The following DPPA3 variants were observed in gnomAD, a reference collection of about 807,000 sequenced individuals.
DPPA3 encodes the protein developmental pluripotency-associated protein 3.
DPPA3 carries 9 observed loss-of-function variants against 15.6 expected under a neutral mutation model. The observed-to-expected ratio is 0.58, with a 90% CI of 0.35 to 1.01. The LOEUF (loss-of-function observed/expected upper bound fraction) is 1.01, where lower values mean the gene tolerates loss of function less well. Among genes scored for constraint, DPPA3 ranks in the 50% least tolerant of loss-of-function variants. The pLI, the probability that DPPA3 is intolerant of heterozygous loss-of-function variation, is 0.02. For synonymous variants in DPPA3, 61 were observed against 70.9 expected (o/e 0.86, Z 0.70); for missense variants, 148 against 194.6 (o/e 0.76, Z 1.42).
chr12:7,716,059 C>T, intron 2 of DPPA3, 139 bp from the exon 3 acceptor site: 1 of 729,148 alleles, frequency 1.4e-6, no homozygotes. Context: ...GCCATGATTG[C>T]TCCACTGCAA....
intron 1 of DPPA3, among the ~76,000 whole-genome samples, chr12:7,713,202 C>T (rs1244562252): frequency 6.6e-6 from 1 of 152,226 alleles, no homozygotes. Flanking sequence ...AACCCTGGAG[C>T]CAACACCTTC....
At chr12:7,716,758 T>C (rs1249979665) in intron 3 of DPPA3, among the ~76,000 whole-genome samples, 1 of 152,218 alleles carries the variant, frequency 6.6e-6, no homozygotes, top group Non-Finnish European at 1.5e-5. Context: ...TTGTTACCAT[T>C]ACAAAATGAC....
Position 7,715,416 on chromosome 12 carries a change from G to A in DPPA3, c.316G>A (p.Gly106Arg), listed in dbSNP as rs772450929. The A allele has an allele frequency of 3.7e-6, 6 of 1,613,924 alleles. No individual in the cohort carries two copies. The Admixed American group carries it at 6.7e-5, about 18-fold the overall frequency. The change falls in exon 2 of 4, where the codon GGA becomes AGA. Residue 106 changes from glycine (G) to arginine (R), a missense_variant. By Grantham distance (125) the Gly-to-Arg change is moderately radical. Coordinates refer to ENST00000345088, the MANE Select transcript of DPPA3 (RefSeq NM_199286.4). ...AAGATTGAGATACATGTTACTCGGC[G>A]GAGTTCGTACGGTATGTTGATGTGA... is the stretch of plus-strand genomic sequence containing the variant. ...MARLRYMLLG[G>R]VRTHERRPTN...
At chr12:7,716,039 G>T (rs1864395820) in intron 2 of DPPA3, among the ~76,000 whole-genome samples, 159 bp from the exon 3 acceptor site, 2 of 152,078 alleles carry the variant, frequency 1.3e-5, no homozygotes, top group African/African-American at 4.8e-5. Context: ...GGGGGTTAAG[G>T]CTGCAGTGAG....
intron 1 of DPPA3, among the ~76,000 whole-genome samples, chr12:7,714,037 G>A (rs750756289): frequency 6.6e-6 from 1 of 151,776 alleles, no homozygotes; most frequent in South Asian, 2.1e-4. Context: ...TACCATCCTG[G>A]CTAACACGGT....
intron 3 of DPPA3, 84 bp from the exon 4 acceptor site, chr12:7,716,883 A>G: frequency 7.7e-7 from 1 of 1,303,618 alleles, no homozygotes; most frequent in South Asian, 1.2e-5. Context: ...CACTTACCAA[A>G]ATAAACAACA....
chr12:7,711,909 T>C (rs1864349952), intron 1 of DPPA3, among the ~76,000 whole-genome samples: 1 of 123,012 alleles, frequency 8.1e-6, no homozygotes, highest in South Asian at 2.4e-4. Flanking sequence ...CAGATTTCTT[T>C]CTTTTTTTTT....
intron 3 of DPPA3, 132 bp from the exon 4 acceptor site, chr12:7,716,835 G>T: frequency 3.7e-6 from 3 of 803,772 alleles, no homozygotes; most frequent in Non-Finnish European, 6.2e-6. Flanking sequence ...TTTGCTTTTG[G>T]CCCGTGTGTC....
intron 3 of DPPA3, 28 bp from the exon 4 acceptor site, chr12:7,716,939 A>G (rs774165527): frequency 1.3e-6 from 2 of 1,568,214 alleles, no homozygotes; most frequent in South Asian, 2.2e-5. Flanking sequence ...CAATATTCCA[A>G]TTAATCCATT....
chr12:7,715,941 T>G (rs1360584217), intron 2 of DPPA3, among the ~76,000 whole-genome samples: 2 of 151,968 alleles, frequency 1.3e-5, no homozygotes, highest in Admixed American at 6.6e-5. Flanking sequence ...AAAAATTAAT[T>G]AGCTGGGTGT....
chr12:7,713,848 A>G (rs1342122112), intron 1 of DPPA3, among the ~76,000 whole-genome samples: 3 of 152,216 alleles, frequency 2.0e-5, no homozygotes, highest in Non-Finnish European at 4.4e-5. Context: ...TCTTAAGTGT[A>G]AGTGAACAAA....
intron 1 of DPPA3, 90 bp from the exon 2 acceptor site, chr12:7,715,093 C>T: frequency 1.9e-6 from 3 of 1,568,144 alleles, no homozygotes; most frequent in Non-Finnish European, 2.6e-6. Context: ...TCCCACACAG[C>T]GCCCTGTTCC....
chr12:7,712,010 G>T (rs532425228), intron 1 of DPPA3, among the ~76,000 whole-genome samples: 32 of 147,928 alleles, frequency 2.2e-4, no homozygotes, highest in Non-Finnish European at 3.7e-4. Flanking sequence ...CCGCCTCCTG[G>T]GTTCACGCCA....
In DPPA3 at chr12:7,715,361, A is replaced by T; in HGVS notation, c.261A>T (p.Thr87=). The change falls in exon 2 of 4, where the codon ACA becomes ACT. Residue 87 remains threonine, a synonymous_variant. Transcript: ENST00000345088. The part of the protein sequence containing the change: ...EWLYSRRGVR[T]LLSVQREKMA... ...TTTACAGCAGGAGAGGAGTAAGAAC[A>T]TTGCTGTCTGTGCAGAGAGAAAAGA... The T allele has an allele frequency of 6.2e-7, 1 of 1,614,166 alleles. No individual in the cohort carries two copies. The highest frequency in any genetic ancestry group is 8.5e-7 in the Non-Finnish European group (1 of 1,180,024).
intron 3 of DPPA3, 44 bp from the exon 4 acceptor site, chr12:7,716,923 G>A: frequency 6.7e-7 from 1 of 1,501,634 alleles, no homozygotes; most frequent in Non-Finnish European, 9.3e-7. Flanking sequence ...ACATTTCTCT[G>A]GGGTACAATA....
At chr12:7,713,587 C>G (rs779606659) in intron 1 of DPPA3, among the ~76,000 whole-genome samples, 1 of 152,064 alleles carries the variant, frequency 6.6e-6, no homozygotes, top group African/African-American at 2.4e-5. Flanking sequence ...CCTCACAGTT[C>G]GGATGGGAGA....
At chr12:7,716,839 G>C (rs374737441) in intron 3 of DPPA3, 128 bp from the exon 4 acceptor site, 2 of 846,864 alleles carry the variant, frequency 2.4e-6, no homozygotes, top group South Asian at 1.6e-5. Context: ...CTTTTGGCCC[G>C]TGTGTCCTTT....
At chr12:7,712,419 A>G (rs1864355351) in intron 1 of DPPA3, among the ~76,000 whole-genome samples, 1 of 152,046 alleles carries the variant, frequency 6.6e-6, no homozygotes, top group African/African-American at 2.4e-5. Context: ...AGTTGAACCT[A>G]AAGTTTTTCT....
chr12:7,712,971 C>T (rs1864360878), intron 1 of DPPA3, among the ~76,000 whole-genome samples: 1 of 152,310 alleles, frequency 6.6e-6, no homozygotes, highest in South Asian at 2.1e-4. Context: ...CGTAAACGTG[C>T]TCCGTAATGT....
Sources: gnomAD v4.1 joint callset for allele counts (sites outside exome capture counted in the v4.1 genomes callset) on GRCh38, gnomAD v4.1.1 for gene constraint, MANE v1.5 for transcripts, NCBI Gene and HGNC (gene_info 2026-07-23, HGNC 2026-07-21) for gene names.